LRCH1: variants seen among roughly 807,000 people sequenced by gnomAD.
The protein encoded by LRCH1 is leucine-rich repeat and calponin homology domain-containing protein 1.
In LRCH1, 23 loss-of-function variants were observed where a neutral mutation model predicts 94.9. The observed-to-expected ratio is 0.24, with a 90% confidence interval of 0.17 to 0.34. The LOEUF (loss-of-function observed/expected upper bound fraction) is 0.34. Among genes scored for constraint, LRCH1 ranks in the 10% least tolerant of loss-of-function variants. LRCH1 has a pLI of 1.00. For missense variants in LRCH1, 790 were observed against 945.9 expected, an observed-to-expected ratio of 0.84 and a Z score of 2.16; for synonymous variants, 364 against 354.9, an observed-to-expected ratio of 1.03 and a Z score of -0.29.
intron 1 of LRCH1, among the ~76,000 whole-genome samples, chr13:46,563,831 G>A (rs2050154094): frequency 6.6e-6 from 1 of 152,058 alleles, no homozygotes; most frequent in Non-Finnish European, 1.5e-5. Context: ...TAATCATTTG[G>A]CCAAGGGTAC....
At chr13:46,739,283 G>A (rs1457940768) in intron 19 of LRCH1, among the ~76,000 whole-genome samples, 1 of 152,006 alleles carries the variant, frequency 6.6e-6, no homozygotes, top group African/African-American at 2.4e-5. Context: ...TTAACCTCTG[G>A]CGATTGTGAT....
At chr13:46,702,685 A>T (rs1237209074) in intron 11 of LRCH1, among the ~76,000 whole-genome samples, 1 of 152,192 alleles carries the variant, frequency 6.6e-6, no homozygotes, top group Non-Finnish European at 1.5e-5. Context: ...AATTTCAAGA[A>T]AAAGAGAAAT....
intron 2 of LRCH1, 25 bp from the exon 3 acceptor site, chr13:46,669,005 T>A (rs750621796): frequency 6.2e-7 from 1 of 1,613,628 alleles, no homozygotes; most frequent in Non-Finnish European, 8.5e-7. Context: ...TGTTTACATG[T>A]GTTCTTGTTG....
downstream of LRCH1, among the ~76,000 whole-genome samples, chr13:46,749,477 G>T (rs974666741): frequency 6.6e-6 from 1 of 152,084 alleles, no homozygotes; most frequent in Non-Finnish European, 1.5e-5. Context: ...ATTGATAAAA[G>T]ACTCTATTTT....
intron 2 of LRCH1, among the ~76,000 whole-genome samples, chr13:46,660,034 C>CTTTTTTTTTTTTT (rs767544799): frequency 0.023 from 2,377 of 103,342 alleles, 228 homozygotes; most frequent in East Asian, 0.026. Context: ...TTAGGAGTCA[C>CTTTTTTTTTTTTT]TTTTTTTTTT....
chr13:46,655,013 G>A (rs2138088632), intron 2 of LRCH1, among the ~76,000 whole-genome samples: 1 of 152,244 alleles, frequency 6.6e-6, no homozygotes, highest in East Asian at 1.9e-4. Flanking sequence ...TCCAAAGTAG[G>A]AAGATGCCAT....
downstream of LRCH1, among the ~76,000 whole-genome samples, chr13:46,745,289 C>T (rs533765398): frequency 1.3e-5 from 2 of 151,458 alleles, no homozygotes; most frequent in Admixed American, 6.6e-5. Flanking sequence ...AGCCTGTAGG[C>T]CATAGTTTGC....
intron 1 of LRCH1, among the ~76,000 whole-genome samples, chr13:46,564,712 C>T (rs1487033473): frequency 6.6e-6 from 1 of 152,222 alleles, no homozygotes; most frequent in African/African-American, 2.4e-5. Flanking sequence ...TATTATCTCC[C>T]CAACTTACTA....
chr13:46,681,849 A>C lies in LRCH1; in HGVS notation c.685+3A>C. The C allele has an allele frequency of 6.3e-7, 1 of 1,581,746 alleles. No individual in the cohort carries two copies. The highest frequency in any genetic ancestry group is 8.7e-7 in the Non-Finnish European group (1 of 1,151,772). On this transcript the variant is annotated splice_donor_region_variant and intron_variant, in intron 4 of 19. Transcript: ENST00000389797. ...TTACCTTAAAGTTTTACCACAAGGT[A>C]AAAAAGAAAGAGGGAAAATGAAGAA...
intron 8 of LRCH1, among the ~76,000 whole-genome samples, chr13:46,694,015 A>G (rs956287424): frequency 2.0e-5 from 3 of 152,236 alleles, no homozygotes; most frequent in Non-Finnish European, 2.9e-5. Flanking sequence ...TGAGATTATC[A>G]TGGGAACCAT....
intron 3 of LRCH1, among the ~76,000 whole-genome samples, chr13:46,671,262 T>G (rs1456837564): frequency 6.6e-6 from 1 of 152,218 alleles, no homozygotes; most frequent in Non-Finnish European, 1.5e-5. Flanking sequence ...CAAGCCTGAG[T>G]TAGGTGCTCC....
chr13:46,648,620 A>C (rs1157107527), intron 1 of LRCH1, among the ~76,000 whole-genome samples: 1 of 152,180 alleles, frequency 6.6e-6, no homozygotes, highest in Non-Finnish European at 1.5e-5. Context: ...AAATTCTGGA[A>C]GTATTTTTTT....
intron 1 of LRCH1, among the ~76,000 whole-genome samples, chr13:46,649,951 A>G (rs541264168): frequency 2.7e-4 from 41 of 152,210 alleles, no homozygotes; most frequent in African/African-American, 9.6e-4. Context: ...TAGTTACAGT[A>G]AAAAGTTCTT....
intron 19 of LRCH1, among the ~76,000 whole-genome samples, chr13:46,736,829 C>T (rs1187798471): frequency 6.6e-6 from 1 of 152,158 alleles, no homozygotes; most frequent in East Asian, 1.9e-4. Context: ...AATGATAAAT[C>T]ATCCTGTAGA....
At chr13:46,698,348 G>A (rs932195342) in intron 9 of LRCH1, among the ~76,000 whole-genome samples, 2 of 152,186 alleles carry the variant, frequency 1.3e-5, no homozygotes, top group African/African-American at 2.4e-5. Flanking sequence ...TTAAAGCAGC[G>A]TTTCTCTGTG....
chr13:46,625,628 TGG>T (rs199896621), intron 1 of LRCH1, among the ~76,000 whole-genome samples: 1 of 92,916 alleles, frequency 1.1e-5, no homozygotes, highest in Non-Finnish European at 2.3e-5. Flanking sequence ...AATAAATGTG[TGG>T]GGTTTTTTTT....
chr13:46,624,466 C>A (rs149500385), intron 1 of LRCH1, among the ~76,000 whole-genome samples: 5 of 152,134 alleles, frequency 3.3e-5, no homozygotes, highest in Non-Finnish European at 5.9e-5. Flanking sequence ...CTCATTAAGA[C>A]GGGGCTATTG....
At chr13:46,734,301 T>C (rs1873262414) in intron 19 of LRCH1, among the ~76,000 whole-genome samples, 1 of 152,202 alleles carries the variant, frequency 6.6e-6, no homozygotes, top group Non-Finnish European at 1.5e-5. Flanking sequence ...CAGAAATTGC[T>C]GAGGCTGTAA....
intron 4 of LRCH1, among the ~76,000 whole-genome samples, chr13:46,683,128 ACAGT>A (rs1870429545): frequency 6.6e-6 from 1 of 152,226 alleles, no homozygotes; most frequent in African/African-American, 2.4e-5. Flanking sequence ...GTACTTGGAA[ACAGT>A]CAGCATTTGG....
Sources: gnomAD v4.1 joint callset for allele counts (sites outside exome capture counted in the v4.1 genomes callset) on GRCh38, gnomAD v4.1.1 for gene constraint, MANE v1.5 for transcripts, NCBI Gene and HGNC (gene_info 2026-07-23, HGNC 2026-07-21) for gene names.